Variants in MBD5 observed in about 807,000 individuals in gnomAD.
The protein encoded by MBD5 is methyl-CpG binding domain protein 5, also known as methyl-CpG-binding domain protein 5.
Under a neutral mutation model 117.3 loss-of-function variants are expected in MBD5, and 13 were observed. That is an observed-to-expected ratio of 0.11 (90% CI 0.07 to 0.18). The LOEUF (loss-of-function observed/expected upper bound fraction) is 0.18, where lower values mean the gene tolerates loss of function less well. Ranked by LOEUF, MBD5 falls within the 10% of genes least tolerant of loss-of-function variation. MBD5 has a pLI of 1.00. For missense variants in MBD5, 1,879 were observed against 2,093.8 expected (o/e 0.90, Z 2.00); for synonymous variants, 727 against 766.4 (o/e 0.95, Z 0.85).
chr2:148,225,381 C>T (rs894952375), intron 2 of MBD5, among the ~76,000 whole-genome samples: 1 of 151,880 alleles, frequency 6.6e-6, no homozygotes, highest in African/African-American at 2.4e-5. Flanking sequence ...TCTGTTGTTT[C>T]CATTTATATT....
intron 1 of MBD5, chr2:148,026,635 A>C (rs529025048): frequency 1.4e-4 from 22 of 152,296 alleles, no homozygotes; most frequent in African/African-American, 5.3e-4. Context: ...AAAATAAAAA[A>C]TAAGGTCAGG....
chr2:148,338,739 T>C (rs1179219941), intron 3 of MBD5, among the ~76,000 whole-genome samples: 1 of 152,158 alleles, frequency 6.6e-6, no homozygotes, highest in Non-Finnish European at 1.5e-5. Context: ...CCATGAGACA[T>C]GAGTCAGGAG....
chr2:148,228,219 T>C (rs1233267873), intron 2 of MBD5, among the ~76,000 whole-genome samples: 2 of 152,150 alleles, frequency 1.3e-5, no homozygotes, highest in African/African-American at 4.8e-5. Flanking sequence ...CCAGTTTTTG[T>C]CCATTCAGTA....
chr2:148,125,928 A>C (rs995802790), intron 1 of MBD5, among the ~76,000 whole-genome samples: 6 of 152,210 alleles, frequency 3.9e-5, no homozygotes, highest in Admixed American at 2.6e-4. Context: ...AAAAAGAAAG[A>C]TTTGTAGAGT....
At chr2:148,303,500 T>C (rs1701821142) in intron 3 of MBD5, among the ~76,000 whole-genome samples, 3 of 152,216 alleles carry the variant, frequency 2.0e-5, no homozygotes. Flanking sequence ...ATAAGAATGA[T>C]TTTGTTTGCT....
intron 1 of MBD5, among the ~76,000 whole-genome samples, chr2:148,124,229 A>G (rs1443044279): frequency 6.6e-6 from 1 of 152,128 alleles, no homozygotes; most frequent in Non-Finnish European, 1.5e-5. Flanking sequence ...GCAGTGAGCC[A>G]AGATCGCCCA....
intron 2 of MBD5, among the ~76,000 whole-genome samples, chr2:148,206,017 G>A (rs1235844550): frequency 1.3e-5 from 2 of 151,858 alleles, no homozygotes; most frequent in Admixed American, 6.6e-5. Context: ...AGTGACTTGG[G>A]ATGCTGAGGT....
chr2:148,285,726 G>A (rs781341232), intron 3 of MBD5, among the ~76,000 whole-genome samples: 4 of 152,066 alleles, frequency 2.6e-5, no homozygotes, highest in East Asian at 1.9e-4. Flanking sequence ...CTAATTCACC[G>A]CATTTTTTTT....
chr2:148,429,068 A>G (rs1705900483), intron 4 of MBD5, among the ~76,000 whole-genome samples: 1 of 152,208 alleles, frequency 6.6e-6, no homozygotes, highest in Admixed American at 6.5e-5. Context: ...CACCTACAGC[A>G]TGGGAGAAAA....
intron 1 of MBD5, among the ~76,000 whole-genome samples, chr2:148,114,990 A>G (rs1696596433): frequency 6.6e-6 from 1 of 152,154 alleles, no homozygotes; most frequent in Non-Finnish European, 1.5e-5. Context: ...ATATATGTAT[A>G]TGCATATGTA....
At chr2:148,062,798 A>G (rs1252067413) in intron 1 of MBD5, among the ~76,000 whole-genome samples, 1 of 151,338 alleles carries the variant, frequency 6.6e-6, no homozygotes, top group Non-Finnish European at 1.5e-5. Context: ...ACAACTCTAA[A>G]AGTAAGAAAA....
intron 1 of MBD5, among the ~76,000 whole-genome samples, chr2:148,174,685 G>C (rs945967917): frequency 6.6e-6 from 1 of 151,504 alleles, no homozygotes; most frequent in African/African-American, 2.4e-5. Flanking sequence ...AAGTCCAACT[G>C]ATACAAGAAA....
chr2:148,428,589 A>T lies in MBD5; in HGVS notation c.-556-29614A>T, dbSNP rs548233658. On this transcript the variant is annotated intron_variant, in intron 4 of 13. Transcript: ENST00000642680. ...TGGAGGCATCACACTACCTGACTTC[A>T]AACTATACTACAAGGCTACAGTAAC... is the stretch of plus-strand genomic sequence containing the variant. 3.9e-5 allele frequency among the ~76,000 whole-genome samples: 6 copies of T among 152,336 alleles called. No individual in the cohort carries two copies. The East Asian group carries it at 7.7e-4, about 20-fold the overall frequency.
In MBD5 at chr2:148,046,141, A is replaced by T. The variant is rs183093873; in HGVS notation, c.-925+24457A>T. On this transcript the variant is annotated intron_variant, in intron 1 of 13. Transcript: ENST00000642680. ...TGGGACTACAGGCGTGTGCCATCAC[A>T]CCCAGCTAATTTTTGTATTTTTAGT... 4.5e-4 allele frequency among the ~76,000 whole-genome samples: 68 copies of T among 151,710 alleles called. 1 individual carries two copies. The South Asian group carries it at 7.7e-3, about 17-fold the overall frequency.
intron 3 of MBD5, among the ~76,000 whole-genome samples, chr2:148,323,109 T>C (rs1315982166): frequency 1.3e-5 from 2 of 151,806 alleles, no homozygotes; most frequent in Non-Finnish European, 2.9e-5. Flanking sequence ...GGTTTTTTGT[T>C]CTTGCGATAG....
At chr2:148,220,195 C>A (rs1188553850) in intron 2 of MBD5, among the ~76,000 whole-genome samples, 2 of 151,954 alleles carry the variant, frequency 1.3e-5, no homozygotes, top group Non-Finnish European at 2.9e-5. Context: ...TTTCAATGAG[C>A]CTTAAAAGAA....
chr2:148,165,026 A>C (rs148858734), intron 1 of MBD5, among the ~76,000 whole-genome samples: 18 of 152,262 alleles, frequency 1.2e-4, no homozygotes, highest in African/African-American at 4.1e-4. Flanking sequence ...TCCAAATGTG[A>C]ATTTGTTCTC....
intron 1 of MBD5, among the ~76,000 whole-genome samples, chr2:148,163,243 G>T (rs1698051134): frequency 6.6e-6 from 1 of 152,064 alleles, no homozygotes; most frequent in South Asian, 2.1e-4. Context: ...TAATGAATAG[G>T]ATCATAGGTC....
At chr2:148,221,498 A>T (rs1699685043) in intron 2 of MBD5, among the ~76,000 whole-genome samples, 1 of 152,064 alleles carries the variant, frequency 6.6e-6, no homozygotes, top group Non-Finnish European at 1.5e-5. Context: ...TTGGATTTGC[A>T]TTTCTCTAAT....
Sources: gnomAD v4.1 joint callset for allele counts (sites outside exome capture counted in the v4.1 genomes callset) on GRCh38, gnomAD v4.1.1 for gene constraint, MANE v1.5 for transcripts, NCBI Gene and HGNC (gene_info 2026-07-23, HGNC 2026-07-21) for gene names.